Variants in TBX15 observed in about 807,000 individuals in gnomAD.
The protein encoded by TBX15 is T-box transcription factor TBX15.
TBX15 carries 18 observed loss-of-function variants against 53.9 expected under a neutral mutation model. The ratio of observed to expected loss-of-function variants is 0.33; its 90% CI spans 0.23 to 0.49. The LOEUF (loss-of-function observed/expected upper bound fraction) is 0.49, where lower values mean the gene tolerates loss of function less well. Ranked by LOEUF, TBX15 falls within the 20% of genes least tolerant of loss-of-function variation. The pLI is 0.98. For missense variants in TBX15, 692 were observed against 749.5 expected (o/e 0.92, Z 0.90); for synonymous variants, 295 against 278.0 (o/e 1.06, Z -0.61).
chr1:118,914,324 T>C, intron 5 of TBX15, 145 bp from the exon 6 acceptor site: 3 of 857,634 alleles, frequency 3.5e-6, no homozygotes, highest in Non-Finnish European at 5.5e-6. Flanking sequence ...AATTTGAAGC[T>C]GGATATAGAA....
At chr1:118,926,103 T>C (rs1655587487) in intron 3 of TBX15, among the ~76,000 whole-genome samples, 1 of 152,222 alleles carries the variant, frequency 6.6e-6, no homozygotes, top group Non-Finnish European at 1.5e-5. Context: ...CCATCATCTA[T>C]GGGGCGATCC....
intron 5 of TBX15, 131 bp downstream of exon 5, chr1:118,923,305 G>A (rs1047169111): frequency 8.6e-6 from 10 of 1,165,468 alleles, no homozygotes; most frequent in Non-Finnish European, 1.3e-5. Context: ...ACACTGTATA[G>A]TACTTAACAT....
At position 118,923,376 on chromosome 1, in the gene TBX15, T is replaced by C. The variant is rs1039849347; in HGVS notation, c.861+60A>G. ...CTGAAAGTAAATAATACCTAAGGAA[T>C]CTTATGCAGAAGGACCAAAAAACAG... On this transcript the variant is annotated intron_variant, in intron 5 of 7. Transcript: ENST00000369429. 18 of 1,602,556 alleles carry C rather than the reference T, an allele frequency of 1.1e-5. No individual in the cohort carries two copies. The Admixed American group carries it at 3.0e-4, about 27-fold the overall frequency.
chr1:118,915,459 G>T (rs934691259), intron 5 of TBX15, among the ~76,000 whole-genome samples: 3 of 152,132 alleles, frequency 2.0e-5, no homozygotes, highest in Admixed American at 1.3e-4. Context: ...AGGCTTCAAG[G>T]TTATTTTCTT....
At chr1:118,943,896 T>G (rs943783773) in intron 1 of TBX15, among the ~76,000 whole-genome samples, 1 of 152,150 alleles carries the variant, frequency 6.6e-6, no homozygotes, top group Non-Finnish European at 1.5e-5. Context: ...ACATGCCCAG[T>G]GCCACCCACC....
At chr1:118,939,493 C>T (rs1403448501) in intron 1 of TBX15, among the ~76,000 whole-genome samples, 1 of 126,078 alleles carries the variant, frequency 7.9e-6, no homozygotes, top group Non-Finnish European at 1.6e-5. Context: ...GAGAGCTAAA[C>T]ATTTAGCACA....
chr1:118,914,626 A>T (rs1655140334), intron 5 of TBX15, among the ~76,000 whole-genome samples: 1 of 152,230 alleles, frequency 6.6e-6, no homozygotes. Context: ...GTTAGGTGGA[A>T]TCAGACCACA....
chr1:118,969,349 A>T (rs1657157310), intron 1 of TBX15, among the ~76,000 whole-genome samples: 1 of 152,208 alleles, frequency 6.6e-6, no homozygotes, highest in South Asian at 2.1e-4. Flanking sequence ...TGGCCTCTGG[A>T]CCATGAAAGA....
At chr1:118,949,571 C>A (rs535418653) in intron 1 of TBX15, among the ~76,000 whole-genome samples, 10 of 152,340 alleles carry the variant, frequency 6.6e-5, no homozygotes, top group South Asian at 6.2e-4. Context: ...GGATGTCACA[C>A]AAGCATTTTC....
Position 118,917,136 on chromosome 1 carries a change from C to G in TBX15, c.862-2957G>C, listed in dbSNP as rs75328179. On this transcript the variant is annotated intron_variant, in intron 5 of 7. Transcript: ENST00000369429. ...ATGCATGTGTATGTTCATTGTAGCACTATTCACAATAACAAAGACGTGGAA... is the reference window on the plus strand; with the variant it reads ...ATGCATGTGTATGTTCATTGTAGCAGTATTCACAATAACAAAGACGTGGAA... Among the ~76,000 whole-genome samples, 13 of 152,176 alleles carry G rather than the reference C, an allele frequency of 8.5e-5. No individual in the cohort carries two copies. The East Asian group carries it at 1.4e-3, about 16-fold the overall frequency.
chr1:118,932,459 T>C (rs1320426703), intron 1 of TBX15, among the ~76,000 whole-genome samples: 2 of 152,030 alleles, frequency 1.3e-5, no homozygotes, highest in Non-Finnish European at 2.9e-5. Flanking sequence ...CCATTTTGGA[T>C]GGGAAAAAAA....
chr1:118,963,149 A>G (rs1656932946), intron 1 of TBX15, among the ~76,000 whole-genome samples: 1 of 152,246 alleles, frequency 6.6e-6, no homozygotes, highest in African/African-American at 2.4e-5. Flanking sequence ...AGTAAATAAA[A>G]TAATCCATGA....
chr1:118,943,494 A>T (rs1656250342), intron 1 of TBX15, among the ~76,000 whole-genome samples: 1 of 152,210 alleles, frequency 6.6e-6, no homozygotes, highest in African/African-American at 2.4e-5. Context: ...GGCTGGCACA[A>T]TATCTGAGAA....
At chr1:118,911,129 G>A (rs1037760168) in intron 6 of TBX15, among the ~76,000 whole-genome samples, 4 of 144,264 alleles carry the variant, frequency 2.8e-5, no homozygotes, top group African/African-American at 1.2e-4. Context: ...GTCAGGCAGA[G>A]TCGGTTTTAA....
chr1:118,929,167 G>T lies in TBX15; in HGVS notation c.419+2452C>A, dbSNP rs73007568. On this transcript the variant is annotated intron_variant, in intron 2 of 7. Transcript: ENST00000369429. ...CACCTCTGTCCATGGTGCTGATTATGCAGGTTGGGTTGGTACACTCAAAGA... is the reference window on the plus strand; with the variant it reads ...CACCTCTGTCCATGGTGCTGATTATTCAGGTTGGGTTGGTACACTCAAAGA... Among the ~76,000 whole-genome samples the T allele has an allele frequency of 5.2e-3, 793 of 152,308 alleles. 11 individuals carry two copies. Among genetic ancestry groups the T allele is most frequent in the African/African-American group, 0.018 (750 of 41,578 alleles).
intron 2 of TBX15, among the ~76,000 whole-genome samples, chr1:118,927,148 A>G (rs1013435095): frequency 5.9e-4 from 90 of 152,300 alleles, no homozygotes; most frequent in African/African-American, 2.1e-3. Flanking sequence ...GACTTATACT[A>G]CTGAACTACT....
intron 1 of TBX15, among the ~76,000 whole-genome samples, chr1:118,952,928 G>T (rs1406696665): frequency 1.3e-5 from 2 of 152,094 alleles, no homozygotes; most frequent in Non-Finnish European, 2.9e-5. Flanking sequence ...AAGGAATGGT[G>T]CATCTCATAT....
At chr1:118,948,280 T>C (rs1443677937) in intron 1 of TBX15, among the ~76,000 whole-genome samples, 4 of 152,038 alleles carry the variant, frequency 2.6e-5, no homozygotes, top group African/African-American at 9.7e-5. Context: ...CAGTTTACAG[T>C]CCACACCGAG....
intron 2 of TBX15, 65 bp from the exon 3 acceptor site, chr1:118,926,676 T>A: frequency 2.2e-6 from 3 of 1,359,498 alleles, no homozygotes; most frequent in Non-Finnish European, 3.1e-6. Context: ...GGGTAAAAGC[T>A]TAAACAATGT....
Sources: allele counts gnomAD v4.1 joint callset (sites outside exome capture counted in the v4.1 genomes callset), GRCh38; gene constraint gnomAD v4.1.1; transcripts MANE v1.5; gene names NCBI Gene and HGNC (gene_info 2026-07-23, HGNC 2026-07-21).